Variants in WDTC1 observed in about 807,000 individuals in gnomAD.
The protein encoded by WDTC1 is WD and tetratricopeptide repeats protein 1.
A neutral mutation model predicts 76.0 loss-of-function variants in WDTC1; 12 were observed. The observed-to-expected ratio is 0.16, with a 90% confidence interval of 0.10 to 0.26. The LOEUF (loss-of-function observed/expected upper bound fraction) is 0.26, where lower values mean the gene tolerates loss of function less well. Ranked by LOEUF, WDTC1 falls within the 10% of genes least tolerant of loss-of-function variation. The pLI is 1.00. For missense variants in WDTC1, 511 were observed against 908.8 expected (o/e 0.56, Z 5.63); for synonymous variants, 326 against 350.8 (o/e 0.93, Z 0.79).
chr1:27,294,550 G>A lies in WDTC1; in HGVS notation c.794G>A (p.Arg265His), dbSNP rs139503817. 1.7e-4 allele frequency: 274 copies of A among 1,614,052 alleles called. No homozygotes were observed. Among genetic ancestry groups the A allele is most frequent in the Non-Finnish European group, 2.2e-4 (258 of 1,180,022 alleles). ...LPVKLPDYNN[R>H]LRVLVATYVT... ...GTGAAGCTTCCTGACTACAACAACC[G>A]TTTGAGAGTGCTGGTTGCCACCTAT... The change falls in exon 9 of 16, where the codon CGT becomes CAT. Residue 265 changes from arginine (R) to histidine (H), a missense_variant. Arg to His is a conservative substitution (Grantham distance 29). Transcript: ENST00000319394.
chr1:27,294,529 A>G lies in WDTC1; in HGVS notation c.773A>G (p.Lys258Arg). 2 of 1,614,196 alleles carry G rather than the reference A, an allele frequency of 1.2e-6. No individual in the cohort carries two copies. The highest frequency in any genetic ancestry group is 1.7e-6 in the Non-Finnish European group (2 of 1,180,012). Reference sequence around the variant, plus strand: ...TTCCCTGCAGGTCACCTGCCAGTGAAGCTTCCTGACTACAACAACCGTTTG... The same window carrying G: ...TTCCCTGCAGGTCACCTGCCAGTGAGGCTTCCTGACTACAACAACCGTTTG... Reference protein sequence around the residue: ...QYYVAGHLPVKLPDYNNRLRV... With the variant: ...QYYVAGHLPVRLPDYNNRLRV... The change falls in exon 9 of 16, where the codon AAG becomes AGG. Residue 258 changes from lysine to arginine, a missense_variant. Lys to Arg is a conservative substitution (Grantham distance 26). Transcript: ENST00000319394.
chr1:27,240,843 C>T (rs1278567164), intron 1 of WDTC1, among the ~76,000 whole-genome samples: 5 of 151,750 alleles, frequency 3.3e-5, no homozygotes, highest in East Asian at 1.9e-4. Context: ...GGCGTGGTGG[C>T]GGGTGTCTGT....
chr1:27,292,414 C>G lies in WDTC1; in HGVS notation c.662+17C>G. On this transcript the variant is annotated intron_variant, in intron 7 of 15. Coordinates refer to ENST00000319394, the MANE Select transcript of WDTC1 (RefSeq NM_001276252.2). Reference sequence around the variant, plus strand: ...TAACCACAGGTATGAATAGTTCAGCCTCCTGTCTCCTGTGAGTAAGTCCCC... The same window carrying G: ...TAACCACAGGTATGAATAGTTCAGCGTCCTGTCTCCTGTGAGTAAGTCCCC... 1 of 1,519,822 alleles carries G rather than the reference C, an allele frequency of 6.6e-7. No individual in the cohort carries two copies. Among genetic ancestry groups the G allele is most frequent in the Non-Finnish European group, 8.9e-7 (1 of 1,126,916 alleles). The allele number at this position is 1,519,822 out of a possible 1,614,324, so 94.1% of individuals were successfully genotyped here.
chr1:27,289,634 G>A (rs1413910030), intron 6 of WDTC1, among the ~76,000 whole-genome samples: 14 of 152,232 alleles, frequency 9.2e-5, no homozygotes, highest in African/African-American at 2.9e-4. Flanking sequence ...CAAGGCAGGC[G>A]GCTGGGAGGT....
intron 3 of WDTC1, among the ~76,000 whole-genome samples, chr1:27,267,915 C>G (rs891361975): frequency 1.3e-5 from 2 of 152,060 alleles, no homozygotes; most frequent in African/African-American, 4.8e-5. Context: ...CAAGGTCATT[C>G]CTTATGACAT....
chr1:27,304,752 G>A (rs2013912026), intron 14 of WDTC1: 1 of 396,108 alleles, frequency 2.5e-6, no homozygotes, highest in Non-Finnish European at 4.5e-6. Flanking sequence ...CCTGGCCCAA[G>A]GAGGTAATAA....
intron 1 of WDTC1, among the ~76,000 whole-genome samples, chr1:27,240,836 G>T (rs147497565): frequency 3.3e-5 from 5 of 151,966 alleles, no homozygotes; most frequent in Admixed American, 6.6e-5. Flanking sequence ...TTAGCCTGGC[G>T]TGGTGGCGGG....
At chr1:27,286,378 C>G (rs1419469348) in intron 5 of WDTC1, among the ~76,000 whole-genome samples, 2 of 151,236 alleles carry the variant, frequency 1.3e-5, no homozygotes, top group African/African-American at 4.9e-5. Flanking sequence ...TCCCTATTGT[C>G]CAACATTTGA....
chr1:27,292,455 C>T, intron 7 of WDTC1, 58 bp downstream of exon 7: 1 of 1,429,754 alleles, frequency 7.0e-7, no homozygotes, highest in Non-Finnish European at 9.3e-7. Context: ...ACCTACTGCC[C>T]CTTTCCCTCA....
At chr1:27,246,126 T>C (rs2011821017) in intron 1 of WDTC1, among the ~76,000 whole-genome samples, 1 of 152,224 alleles carries the variant, frequency 6.6e-6, no homozygotes, top group Non-Finnish European at 1.5e-5. Flanking sequence ...GTCTCTTAAA[T>C]TATACAATTC....
chr1:27,246,319 G>A (rs1293648893), intron 1 of WDTC1, among the ~76,000 whole-genome samples: 2 of 152,100 alleles, frequency 1.3e-5, no homozygotes, highest in Non-Finnish European at 2.9e-5. Context: ...AGAACCATAC[G>A]ACATGTAGTC....
At chr1:27,282,908 G>A (rs2013228031) in intron 4 of WDTC1, among the ~76,000 whole-genome samples, 1 of 151,888 alleles carries the variant, frequency 6.6e-6, no homozygotes, top group South Asian at 2.1e-4. Context: ...GGGAGGCCGA[G>A]GCGGGTGGAT....
At chr1:27,259,954 T>C (rs1380794810) in intron 1 of WDTC1, among the ~76,000 whole-genome samples, 1 of 152,042 alleles carries the variant, frequency 6.6e-6, no homozygotes, top group Non-Finnish European at 1.5e-5. Context: ...GGAGGATCAC[T>C]TGAGCCTTGG....
intron 3 of WDTC1, 132 bp from the exon 4 acceptor site, chr1:27,282,107 C>T: frequency 3.9e-6 from 3 of 768,672 alleles, no homozygotes; most frequent in South Asian, 1.7e-5. Context: ...TCCACTTTGG[C>T]CACTCACATG....
chr1:27,289,709 G>T (rs2013474116), intron 6 of WDTC1, among the ~76,000 whole-genome samples: 1 of 151,954 alleles, frequency 6.6e-6, no homozygotes, highest in African/African-American at 2.4e-5. Flanking sequence ...AGCACTGAGT[G>T]AACGAGACTC....
intron 1 of WDTC1, among the ~76,000 whole-genome samples, chr1:27,249,027 G>A (rs1201890673): frequency 6.6e-6 from 1 of 152,124 alleles, no homozygotes; most frequent in African/African-American, 2.4e-5. Context: ...CAGCACTTTG[G>A]GAGGCTGAGG....
At chr1:27,288,051 G>A (rs1343973646) in intron 6 of WDTC1, among the ~76,000 whole-genome samples, 190 bp downstream of exon 6, 1 of 152,068 alleles carries the variant, frequency 6.6e-6, no homozygotes, top group Non-Finnish European at 1.5e-5. Flanking sequence ...CTCCCTCTTT[G>A]CCCTCCTTTG....
At chr1:27,304,127 A>C in intron 14 of WDTC1, 7 of 278,462 alleles carry the variant, frequency 2.5e-5, no homozygotes, top group South Asian at 3.8e-5. Flanking sequence ...CATTCAAGGA[A>C]CCTCCCTCTG....
chr1:27,253,241 C>A (rs974962176), intron 1 of WDTC1, among the ~76,000 whole-genome samples: 1 of 152,080 alleles, frequency 6.6e-6, no homozygotes, highest in Non-Finnish European at 1.5e-5. Flanking sequence ...ATCTCCTGAC[C>A]TTGGCCTCCT....
Sources: gnomAD v4.1 joint callset for allele counts (sites outside exome capture counted in the v4.1 genomes callset) on GRCh38, gnomAD v4.1.1 for gene constraint, MANE v1.5 for transcripts, NCBI Gene and HGNC (gene_info 2026-07-23, HGNC 2026-07-21) for gene names.